STK10: variants seen among roughly 807,000 people sequenced by gnomAD.
STK10 encodes the protein serine/threonine-protein kinase 10.
STK10 carries 78 observed loss-of-function variants against 113.8 expected under a neutral mutation model. The observed-to-expected ratio is 0.69, with a 90% CI of 0.57 to 0.83. The LOEUF is 0.83. Among genes scored for constraint, STK10 ranks in the 40% least tolerant of loss-of-function variants. The probability of loss-of-function intolerance (pLI) is 0.00; values close to 1 mark genes in which losing one functional copy is unlikely to be tolerated. For missense variants in STK10, 1,109 were observed against 1,280.1 expected (o/e 0.87, Z 2.04); for synonymous variants, 465 against 494.7 (o/e 0.94, Z 0.80).
At chr5:172,142,872 G>C (rs753809) in intron 2 of STK10, among the ~76,000 whole-genome samples, 4,889 of 152,230 alleles carry the variant, frequency 0.032, 296 homozygotes, top group African/African-American at 0.11. Context: ...AAACAGGCTG[G>C]GTCACAGCCC....
chr5:172,179,214 C>T (rs949978455), intron 1 of STK10, among the ~76,000 whole-genome samples: 1 of 152,158 alleles, frequency 6.6e-6, no homozygotes, highest in African/African-American at 2.4e-5. Context: ...CTCCTCTCAG[C>T]CCTGTGGCCA....
intron 14 of STK10, among the ~76,000 whole-genome samples, chr5:172,058,431 T>C (rs1429715227): frequency 2.6e-5 from 4 of 152,230 alleles, no homozygotes; most frequent in Non-Finnish European, 4.4e-5. Context: ...CTTGCTTAAC[T>C]GCACTGGTCA....
chr5:172,131,032 GTTTTTTT>G (rs773484183), intron 2 of STK10, among the ~76,000 whole-genome samples: 2 of 109,520 alleles, frequency 1.8e-5, no homozygotes, highest in African/African-American at 7.4e-5. Context: ...GCCATCAGCT[GTTTTTTT>G]TTTTTTTTTT....
At chr5:172,106,186 G>A (rs982536101) in intron 6 of STK10, among the ~76,000 whole-genome samples, 2 of 151,938 alleles carry the variant, frequency 1.3e-5, no homozygotes, top group South Asian at 2.1e-4. Context: ...CGAGGCAGAC[G>A]GATCCCTTGA....
intron 12 of STK10, among the ~76,000 whole-genome samples, chr5:172,074,317 A>G (rs1768263031): frequency 6.6e-6 from 1 of 152,224 alleles, no homozygotes; most frequent in Non-Finnish European, 1.5e-5. Flanking sequence ...AATCGTCAAG[A>G]CACTGTAGTA....
At chr5:172,076,259 G>A (rs1412110543) in intron 12 of STK10, among the ~76,000 whole-genome samples, 1 of 107,698 alleles carries the variant, frequency 9.3e-6, no homozygotes, top group African/African-American at 4.7e-5. Flanking sequence ...TGCGTTAGTT[G>A]TGGGGGCTGT....
intron 7 of STK10, chr5:172,105,440 C>A (rs184662261): frequency 3.4e-6 from 2 of 582,762 alleles, no homozygotes; most frequent in Non-Finnish European, 6.1e-6. Flanking sequence ...CTGGAACACA[C>A]GCTCCATGAG....
intron 2 of STK10, among the ~76,000 whole-genome samples, chr5:172,143,877 T>A (rs1770027847): frequency 6.6e-6 from 1 of 152,048 alleles, no homozygotes; most frequent in Admixed American, 6.6e-5. Flanking sequence ...AATGAAAAAA[T>A]TCAGTAGCCT....
chr5:172,149,016 A>C (rs982872208), intron 2 of STK10, among the ~76,000 whole-genome samples: 8 of 152,068 alleles, frequency 5.3e-5, no homozygotes, highest in African/African-American at 1.9e-4. Flanking sequence ...AAAATACAAA[A>C]ATTGTCTGGG....
At chr5:172,169,642 G>A (rs1212387597) in intron 1 of STK10, among the ~76,000 whole-genome samples, 2 of 152,132 alleles carry the variant, frequency 1.3e-5, no homozygotes, top group African/African-American at 4.8e-5. Flanking sequence ...TGTCCAGGGA[G>A]TAGACAATTA....
chr5:172,120,392 A>C lies in STK10; in HGVS notation c.371-2762T>G, dbSNP rs917669964. 6.6e-6 allele frequency among the ~76,000 whole-genome samples: 1 copy of C among 152,166 alleles called. No individual in the cohort carries two copies. The highest frequency in any genetic ancestry group is 1.9e-4 in the East Asian group (1 of 5,194). ...AGGTACCAACTGCCCTGCTCTGGGA[A>C]GCCAGGCCCCAGACCAGGGCTCCTG... is the stretch of plus-strand genomic sequence containing the variant. On this transcript the variant is annotated intron_variant, in intron 3 of 18. Transcript: ENST00000176763. The surrounding 1 kb of genome is among the most constrained non-coding windows in gnomAD (Gnocchi z 4.0).
chr5:172,179,218 G>C (rs752390635), intron 1 of STK10, among the ~76,000 whole-genome samples: 1 of 152,112 alleles, frequency 6.6e-6, no homozygotes, highest in Non-Finnish European at 1.5e-5. Flanking sequence ...TCTCAGCCCT[G>C]TGGCCAACTC....
At chr5:172,092,192 C>T (rs1413446451) in intron 9 of STK10, among the ~76,000 whole-genome samples, 2 of 152,136 alleles carry the variant, frequency 1.3e-5, no homozygotes, top group Non-Finnish European at 2.9e-5. Flanking sequence ...AGAAAGGGCA[C>T]CCACAGCCAC....
At chr5:172,056,942 A>AGAAAGAAGGAAGGAAGGAAGGAAGGAAG (rs1561789906) in intron 15 of STK10, 4 of 76,642 alleles carry the variant, frequency 5.2e-5, no homozygotes, top group African/African-American at 2.4e-4. Flanking sequence ...AAGAAAAGAA[A>AGAAAGAAGGAAGGAAGGAAGGAAGGAAG]GAAAGAAAGA....
intron 1 of STK10, among the ~76,000 whole-genome samples, chr5:172,180,420 G>A (rs544092696): frequency 4.3e-4 from 65 of 152,222 alleles, no homozygotes; most frequent in African/African-American, 1.5e-3. Flanking sequence ...AGCCGAGTTC[G>A]TGCCACTGCA....
chr5:172,146,668 G>GT (rs1385351910), intron 2 of STK10, among the ~76,000 whole-genome samples: 3 of 152,236 alleles, frequency 2.0e-5, no homozygotes, highest in African/African-American at 7.2e-5. Context: ...AATAGGGCCC[G>GT]TGGGGCCAAG....
intron 1 of STK10, among the ~76,000 whole-genome samples, chr5:172,167,470 A>G (rs1218476863): frequency 6.6e-6 from 1 of 152,218 alleles, no homozygotes; most frequent in Non-Finnish European, 1.5e-5. Flanking sequence ...AATGAAGTCA[A>G]GCGATTTATA....
intron 1 of STK10, among the ~76,000 whole-genome samples, chr5:172,185,037 G>T (rs1460175416): frequency 6.6e-6 from 1 of 152,158 alleles, no homozygotes; most frequent in Non-Finnish European, 1.5e-5. Flanking sequence ...TTGTGGATCG[G>T]ATGAGTTCCT....
At position 172,127,507 on chromosome 5, in the gene STK10, C is replaced by T. The variant is rs954467426; in HGVS notation, c.322-86G>A. Reference sequence around the variant, plus strand: ...CCCCACAGGCCCATTGGGCAGGGTCCACCCATGCCCAATGCCTGGGTGCCC... The same window carrying T: ...CCCCACAGGCCCATTGGGCAGGGTCTACCCATGCCCAATGCCTGGGTGCCC... On this transcript the variant is annotated intron_variant, in intron 2 of 18. Coordinates refer to ENST00000176763, the MANE Select transcript of STK10 (RefSeq NM_005990.4). The T allele has an allele frequency of 4.9e-6, 7 of 1,422,936 alleles. No homozygotes were observed. In the African/African-American group the frequency reaches 9.8e-5, roughly 20 times the overall value. The allele number at this position is 1,422,936 out of a possible 1,614,324, so 88.1% of individuals were successfully genotyped here.
Sources: gnomAD v4.1 joint callset for allele counts (sites outside exome capture counted in the v4.1 genomes callset) on GRCh38, gnomAD v4.1.1 for gene constraint, Gnocchi (gnomAD v3.1) non-coding constraint, MANE v1.5 for transcripts, NCBI Gene and HGNC (gene_info 2026-07-23, HGNC 2026-07-21) for gene names.